Variants in ABCC4 observed in about 807,000 individuals in gnomAD.
The protein encoded by ABCC4 is ATP-binding cassette sub-family C member 4.
A neutral mutation model predicts 168.5 loss-of-function variants in ABCC4; 102 were observed. The observed-to-expected ratio is 0.61, with a 90% confidence interval of 0.52 to 0.71. The LOEUF (loss-of-function observed/expected upper bound fraction) is 0.71. Among genes scored for constraint, ABCC4 ranks in the 30% least tolerant of loss-of-function variants. The pLI, the probability that ABCC4 is intolerant of heterozygous loss-of-function variation, is 0.00. For synonymous variants in ABCC4, 617 were observed against 590.7 expected (o/e 1.04, Z -0.65); for missense variants, 1,402 against 1,605.8 (o/e 0.87, Z 2.17).
chr13:95,067,650 A>G (rs1284139897), intron 25 of ABCC4, among the ~76,000 whole-genome samples: 1 of 152,176 alleles, frequency 6.6e-6, no homozygotes, highest in Non-Finnish European at 1.5e-5. Flanking sequence ...GCAAGCAGGC[A>G]GGGCAAGTGG....
chr13:95,164,546 CA>C, intron 15 of ABCC4, 28 bp from the exon 16 acceptor site: 1 of 1,613,018 alleles, frequency 6.2e-7, no homozygotes, highest in Non-Finnish European at 8.5e-7. Context: ...TGGTAAGAGA[CA>C]AAACAGTATA....
chr13:95,225,231 T>C (rs1055608608), intron 4 of ABCC4, among the ~76,000 whole-genome samples: 1 of 151,754 alleles, frequency 6.6e-6, no homozygotes, highest in Non-Finnish European at 1.5e-5. Flanking sequence ...TCCAAAGGCA[T>C]GATTATCTAA....
At position 95,234,790 on chromosome 13, in the gene ABCC4, A is replaced by T; in HGVS notation, c.351T>A (p.Ile117=). The T allele has an allele frequency of 6.3e-7, 1 of 1,596,180 alleles. No homozygotes were observed. The highest frequency in any genetic ancestry group is 8.5e-7 in the Non-Finnish European group (1 of 1,170,288). Residue 117 remains isoleucine, a synonymous_variant, in exon 4 of 31, where the codon ATT becomes ATA. Transcript: ENST00000645237. ...VIQPIFLGKI[I]NYFENYDPMD... ...TGGGATCATAATTTTCAAAATAATT[A>T]ATAATTTTTCCCAAAAATATGGGCT...
At chr13:95,145,616 CAAA>C (rs1233444198) in intron 19 of ABCC4, among the ~76,000 whole-genome samples, 7 of 97,046 alleles carry the variant, frequency 7.2e-5, no homozygotes, top group Admixed American at 1.1e-4. Flanking sequence ...ACCCCATCTC[CAAA>C]AAAAAAAAAA....
At chr13:95,093,733 G>A (rs2034507183) in intron 20 of ABCC4, among the ~76,000 whole-genome samples, 1 of 152,014 alleles carries the variant, frequency 6.6e-6, no homozygotes. Context: ...CATCCAAATT[G>A]GTAAAGAGGA....
At chr13:95,069,308 C>CA (rs2033649087) in intron 25 of ABCC4, among the ~76,000 whole-genome samples, 1 of 151,978 alleles carries the variant, frequency 6.6e-6, no homozygotes, top group Non-Finnish European at 1.5e-5. Flanking sequence ...GGTACAGAGA[C>CA]GAATATAAAA....
chr13:95,118,749 G>A (rs941141606), intron 19 of ABCC4, among the ~76,000 whole-genome samples: 5 of 152,192 alleles, frequency 3.3e-5, no homozygotes, highest in East Asian at 1.9e-4. Context: ...AGGAGTCACT[G>A]TTTCCTGAGG....
At chr13:95,159,354 G>T (rs1211256522) in intron 19 of ABCC4, among the ~76,000 whole-genome samples, 3 of 151,716 alleles carry the variant, frequency 2.0e-5, no homozygotes, top group Non-Finnish European at 4.4e-5. Context: ...GACCTCTCTT[G>T]GGGTACTTAT....
At chr13:95,193,513 T>C (rs1023183310) in intron 9 of ABCC4, among the ~76,000 whole-genome samples, 4 of 152,356 alleles carry the variant, frequency 2.6e-5, no homozygotes, top group Non-Finnish European at 4.4e-5. Flanking sequence ...GCTTTCCCTT[T>C]GTGCTCTTTC....
chr13:95,182,474 T>C (rs1410341127), intron 11 of ABCC4, among the ~76,000 whole-genome samples: 1 of 152,238 alleles, frequency 6.6e-6, no homozygotes, highest in Non-Finnish European at 1.5e-5. Context: ...CTGTACTATG[T>C]ATAGAAACCC....
Position 95,247,067 on chromosome 13 carries a change from C to A in ABCC4, c.214G>T (p.Glu72Ter). The change falls in exon 3 of 31, where the codon GAG (glutamate) becomes TAG (stop). Residue 72 changes from glutamate (E) to a stop codon, truncating the protein, a stop_gained. Coordinates refer to ENST00000645237, the MANE Select transcript of ABCC4 (RefSeq NM_005845.5). LOFTEE classifies it high-confidence loss of function. ...GFWDKEVLRA[E>*]NDAQKPSLTR... ...AAAGAAGGCTTCTGTGCGTCATTCT[C>A]AGCTCTTAAAACTTCTTTATCCCAG... 1 of 1,613,758 alleles carries A rather than the reference C, an allele frequency of 6.2e-7. No individual in the cohort carries two copies. The highest frequency in any genetic ancestry group is 8.5e-7 in the Non-Finnish European group (1 of 1,179,706).
intron 19 of ABCC4, among the ~76,000 whole-genome samples, chr13:95,137,820 C>G (rs1424687084): frequency 6.6e-6 from 1 of 152,166 alleles, no homozygotes; most frequent in South Asian, 2.1e-4. Context: ...AGACACAGGT[C>G]TTTGATCTCT....
chr13:95,254,969 T>C (rs9590221), intron 1 of ABCC4, among the ~76,000 whole-genome samples: 76,543 of 152,048 alleles, frequency 0.5, 20,047 homozygotes, highest in East Asian at 0.67. Context: ...AAATTACCTA[T>C]TTTAACATAT....
chr13:95,290,020 C>T (rs1438368418), intron 1 of ABCC4, among the ~76,000 whole-genome samples: 2 of 151,780 alleles, frequency 1.3e-5, no homozygotes, highest in Admixed American at 6.6e-5. Context: ...TGCTTGAACC[C>T]GGGAGGCAGA....
At chr13:95,041,113 G>A (rs4148540) in intron 29 of ABCC4, among the ~76,000 whole-genome samples, 10,518 of 152,200 alleles carry the variant, frequency 0.069, 452 homozygotes, top group East Asian at 0.21. Flanking sequence ...AGATAGTGGT[G>A]CGTATTAGAA....
chr13:95,193,716 ATGGATCCCAGG>A (rs1352813509), intron 9 of ABCC4, among the ~76,000 whole-genome samples: 1 of 152,194 alleles, frequency 6.6e-6, no homozygotes, highest in Non-Finnish European at 1.5e-5. Flanking sequence ...TTCAGTCACC[ATGGATCCCAGG>A]TTGCAAGTTA....
chr13:95,267,376 T>A (rs536376260), intron 1 of ABCC4, among the ~76,000 whole-genome samples: 3 of 152,306 alleles, frequency 2.0e-5, no homozygotes, highest in Admixed American at 6.5e-5. Context: ...CCATGTGAGA[T>A]GTGTCTTTCC....
At chr13:95,077,471 T>C (rs1251378898) in intron 21 of ABCC4, among the ~76,000 whole-genome samples, 1 of 152,102 alleles carries the variant, frequency 6.6e-6, no homozygotes, top group Non-Finnish European at 1.5e-5. Context: ...CCTGAGTAGC[T>C]GGAACTACAG....
At chr13:95,236,597 T>TGCGC (rs1284926611) in intron 3 of ABCC4, among the ~76,000 whole-genome samples, 1,760 of 92,376 alleles carry the variant, frequency 0.019, 29 homozygotes, top group African/African-American at 0.052. Flanking sequence ...AACGCGCGCG[T>TGCGC]GCGCGCACAC....
Sources: allele counts gnomAD v4.1 joint callset (sites outside exome capture counted in the v4.1 genomes callset), GRCh38; gene constraint gnomAD v4.1.1; transcripts MANE v1.5; gene names NCBI Gene and HGNC (gene_info 2026-07-23, HGNC 2026-07-21).